The following THSD4 variants were observed in gnomAD, a reference collection of about 807,000 sequenced individuals.
THSD4 encodes the protein thrombospondin type 1 domain containing 4, also known as thrombospondin type-1 domain-containing protein 4.
THSD4 carries 69 observed loss-of-function variants against 119.0 expected under a neutral mutation model. That is an observed-to-expected ratio of 0.58 (90% CI 0.48 to 0.71). THSD4 has a LOEUF of 0.71. THSD4 is among the 30% of genes least tolerant of loss of function. The pLI, the probability that THSD4 is intolerant of heterozygous loss-of-function variation, is 0.00. For synonymous variants in THSD4, 524 were observed against 540.4 expected (o/e 0.97, Z 0.42); for missense variants, 1,393 against 1,391.1 (o/e 1.00, Z -0.02).
At chr15:71,734,810 A>G (rs1036680788) in intron 10 of THSD4, among the ~76,000 whole-genome samples, 1 of 151,628 alleles carries the variant, frequency 6.6e-6, no homozygotes, top group Non-Finnish European at 1.5e-5. Flanking sequence ...TGCTCTAAAA[A>G]AAAAAAAAAG....
At chr15:71,317,461 A>C (rs2045204702) in intron 6 of THSD4, among the ~76,000 whole-genome samples, 1 of 152,226 alleles carries the variant, frequency 6.6e-6, no homozygotes, top group Non-Finnish European at 1.5e-5. Flanking sequence ...GAGCATGTGC[A>C]GGGGAACTCC....
In THSD4 at chr15:71,411,693, G is replaced by A; in HGVS notation, c.1022G>A (p.Gly341Asp). 3.1e-6 allele frequency: 5 copies of A among 1,613,740 alleles called. No individual in the cohort carries two copies. The highest frequency in any genetic ancestry group is 1.7e-6 in the Non-Finnish European group (2 of 1,179,868). ...TTTCATTTTACTTTGGTAGTAAAAG[G>A]CAATCGCAAATGTGAGTTGAACTGC... The part of the protein sequence containing the change: ...YEWEPFAEVK[G>D]NRKCELNCQA... The change falls in exon 7 of 18, where the codon GGC (glycine) becomes GAC (aspartate). Residue 341 changes from glycine (G) to aspartate (D), a missense_variant. Transcript: ENST00000261862.
intron 6 of THSD4, among the ~76,000 whole-genome samples, chr15:71,397,365 CTT>C (rs1566968942): frequency 6.6e-6 from 1 of 152,156 alleles, no homozygotes; most frequent in Non-Finnish European, 1.5e-5. Context: ...GACCTGGTCT[CTT>C]TTTAAAATTA....
chr15:71,271,940 T>C (rs2140304390), intron 6 of THSD4, among the ~76,000 whole-genome samples: 1 of 152,252 alleles, frequency 6.6e-6, no homozygotes, highest in African/African-American at 2.4e-5. Context: ...ACAAATGAGA[T>C]TATATCAAAC....
At chr15:71,712,520 A>G (rs962009599) in intron 8 of THSD4, among the ~76,000 whole-genome samples, 1 of 149,926 alleles carries the variant, frequency 6.7e-6, no homozygotes, top group African/African-American at 2.4e-5. Flanking sequence ...GCTTTGCAGA[A>G]GGGAGAATTG....
intron 6 of THSD4, among the ~76,000 whole-genome samples, chr15:71,359,489 A>G (rs1391362209): frequency 6.6e-6 from 1 of 152,214 alleles, no homozygotes; most frequent in Non-Finnish European, 1.5e-5. Context: ...AAGGTCACTC[A>G]GTAATAAGCC....
At chr15:71,338,147 A>T (rs1252363292) in intron 6 of THSD4, among the ~76,000 whole-genome samples, 1 of 152,180 alleles carries the variant, frequency 6.6e-6, no homozygotes, top group Non-Finnish European at 1.5e-5. Context: ...ACACTGAAGA[A>T]TCAGAAGTTT....
At chr15:71,531,308 G>A (rs1394114226) in intron 7 of THSD4, among the ~76,000 whole-genome samples, 1 of 152,132 alleles carries the variant, frequency 6.6e-6, no homozygotes, top group African/African-American at 2.4e-5. Context: ...TTCCGCTCTT[G>A]TTTTAAAATA....
intron 6 of THSD4, among the ~76,000 whole-genome samples, chr15:71,267,615 T>G (rs924856920): frequency 3.3e-5 from 5 of 151,982 alleles, no homozygotes; most frequent in Non-Finnish European, 7.4e-5. Context: ...CATAACAATA[T>G]TAATCTTAAA....
chr15:71,646,992 G>A (rs917879960), intron 7 of THSD4, among the ~76,000 whole-genome samples: 2 of 152,162 alleles, frequency 1.3e-5, no homozygotes, highest in Non-Finnish European at 2.9e-5. Context: ...GAAGATAAAT[G>A]TCACAACCAC....
chr15:71,140,618 T>C (rs2141370743), intron 1 of THSD4, among the ~76,000 whole-genome samples: 2 of 152,310 alleles, frequency 1.3e-5, no homozygotes, highest in Non-Finnish European at 2.9e-5. Context: ...CCAGCCACAG[T>C]CTAAGCATGT....
At chr15:71,411,909 G>T in intron 7 of THSD4, 86 bp downstream of exon 7, 6 of 1,559,446 alleles carry the variant, frequency 3.8e-6, no homozygotes, top group Non-Finnish European at 5.2e-6. Flanking sequence ...AGACTAGGCT[G>T]CTAGCTCCCC....
chr15:71,254,482 G>C (rs570531298), intron 5 of THSD4, among the ~76,000 whole-genome samples: 9 of 152,348 alleles, frequency 5.9e-5, no homozygotes, highest in African/African-American at 1.9e-4. Context: ...GGCCACACCA[G>C]AATCACCCAA....
At chr15:71,675,014 G>A (rs527391250) in intron 8 of THSD4, among the ~76,000 whole-genome samples, 31 of 152,090 alleles carry the variant, frequency 2.0e-4, no homozygotes, top group Non-Finnish European at 3.8e-4. Context: ...TTGAATGACC[G>A]TTTTATGTAC....
At chr15:71,725,392 C>T (rs1247800445) in intron 8 of THSD4, among the ~76,000 whole-genome samples, 1 of 152,122 alleles carries the variant, frequency 6.6e-6, no homozygotes, top group Non-Finnish European at 1.5e-5. Flanking sequence ...GAGTCATTCA[C>T]ATATGGTAGT....
intron 6 of THSD4, among the ~76,000 whole-genome samples, chr15:71,302,017 G>A (rs1054800274): frequency 3.3e-5 from 5 of 152,182 alleles, no homozygotes; most frequent in African/African-American, 1.2e-4. Context: ...GGTCAGACTA[G>A]GTCTGCCTGT....
chr15:71,227,952 A>T (rs1056327554), intron 4 of THSD4, among the ~76,000 whole-genome samples: 2 of 152,070 alleles, frequency 1.3e-5, no homozygotes, highest in African/African-American at 4.8e-5. Flanking sequence ...GTCTCTATTA[A>T]TAGTAACAAG....
chr15:71,183,681 A>C (rs1243218186), intron 3 of THSD4, among the ~76,000 whole-genome samples: 1 of 151,636 alleles, frequency 6.6e-6, no homozygotes, highest in Admixed American at 6.6e-5. Flanking sequence ...AAACTCTTTA[A>C]AGTTGGGTAC....
chr15:71,528,052 G>A (rs578046463), intron 7 of THSD4, among the ~76,000 whole-genome samples: 24 of 152,168 alleles, frequency 1.6e-4, no homozygotes, highest in Non-Finnish European at 3.2e-4. Context: ...TATATCCTAG[G>A]TATAAGCCTA....
Sources: gnomAD v4.1 joint callset for allele counts (sites outside exome capture counted in the v4.1 genomes callset) on GRCh38, gnomAD v4.1.1 for gene constraint, MANE v1.5 for transcripts, NCBI Gene and HGNC (gene_info 2026-07-23, HGNC 2026-07-21) for gene names.